The following CSGALNACT1 variants were observed in gnomAD, a reference collection of about 807,000 sequenced individuals.
CSGALNACT1 encodes the protein chondroitin sulfate N-acetylgalactosaminyltransferase 1.
In CSGALNACT1, 52 loss-of-function variants were observed where a neutral mutation model predicts 51.0. The ratio of observed to expected loss-of-function variants is 1.02; its 90% confidence interval spans 0.82 to 1.29. CSGALNACT1 has a LOEUF of 1.29. CSGALNACT1 is among the 50% of genes most tolerant of loss of function. The pLI, the probability that CSGALNACT1 is intolerant of heterozygous loss-of-function variation, is 0.00. For missense variants in CSGALNACT1, 935 were observed against 679.2 expected (o/e 1.38, Z -4.19); for synonymous variants, 341 against 254.4 (o/e 1.34, Z -3.24).
intron 4 of CSGALNACT1, among the ~76,000 whole-genome samples, chr8:19,503,958 G>A (rs1472136307): frequency 6.6e-6 from 1 of 152,190 alleles, no homozygotes; most frequent in African/African-American, 2.4e-5. Context: ...AACAGCAGCA[G>A]GAGGCTTTTT....
chr8:19,474,979 A>G (rs2069165136), intron 4 of CSGALNACT1, among the ~76,000 whole-genome samples: 1 of 152,168 alleles, frequency 6.6e-6, no homozygotes, highest in Non-Finnish European at 1.5e-5. Flanking sequence ...AAAGGGCTCA[A>G]ATTTGCAGCA....
chr8:19,601,138 T>C (rs569712418), intron 2 of CSGALNACT1, among the ~76,000 whole-genome samples: 1 of 152,280 alleles, frequency 6.6e-6, no homozygotes, highest in South Asian at 2.1e-4. Context: ...GCATAGAAAC[T>C]CAAAATTACT....
At chr8:19,435,021 C>T (rs774963386) in intron 6 of CSGALNACT1, among the ~76,000 whole-genome samples, 1 of 152,032 alleles carries the variant, frequency 6.6e-6, no homozygotes, top group Non-Finnish European at 1.5e-5. Context: ...CGACAACAAC[C>T]CTCTCCTAGC....
intron 3 of CSGALNACT1, among the ~76,000 whole-genome samples, chr8:19,568,670 A>C (rs1018856865): frequency 6.6e-6 from 1 of 152,174 alleles, no homozygotes; most frequent in African/African-American, 2.4e-5. Flanking sequence ...AAAACTTCAA[A>C]AAATATGAGA....
At chr8:19,597,212 A>G (rs545221205) in intron 2 of CSGALNACT1, among the ~76,000 whole-genome samples, 2 of 149,708 alleles carry the variant, frequency 1.3e-5, no homozygotes, top group South Asian at 2.2e-4. Flanking sequence ...CATTGTATGG[A>G]TATACATACT....
chr8:19,743,214 A>G (rs576805339), intron 1 of CSGALNACT1, among the ~76,000 whole-genome samples: 1 of 152,314 alleles, frequency 6.6e-6, no homozygotes, highest in Admixed American at 6.5e-5. Flanking sequence ...CTGAGAGGGA[A>G]AAATCTATTA....
intron 1 of CSGALNACT1, among the ~76,000 whole-genome samples, chr8:19,752,291 C>T (rs1423936936): frequency 1.3e-5 from 2 of 151,556 alleles, no homozygotes; most frequent in Non-Finnish European, 2.9e-5. Context: ...CAGACAAGAG[C>T]GTCACACAAA....
At chr8:19,463,169 C>G (rs574533050) in intron 4 of CSGALNACT1, among the ~76,000 whole-genome samples, 15 of 152,132 alleles carry the variant, frequency 9.9e-5, no homozygotes, top group African/African-American at 3.4e-4. Flanking sequence ...TTTTTCATGG[C>G]TGTGTAGTAC....
intron 1 of CSGALNACT1, among the ~76,000 whole-genome samples, chr8:19,671,420 T>C (rs764639661): frequency 2.0e-5 from 3 of 152,170 alleles, no homozygotes; most frequent in Non-Finnish European, 2.9e-5. Context: ...ATTTTTATTA[T>C]GGAAAATATG....
At chr8:19,690,981 C>T (rs887881944) in intron 1 of CSGALNACT1, among the ~76,000 whole-genome samples, 1 of 152,130 alleles carries the variant, frequency 6.6e-6, no homozygotes, top group African/African-American at 2.4e-5. Context: ...AATGCCAGCA[C>T]TTAGGAAGGC....
At chr8:19,502,658 C>T (rs190135094) in intron 4 of CSGALNACT1, among the ~76,000 whole-genome samples, 5 of 152,280 alleles carry the variant, frequency 3.3e-5, no homozygotes, top group Admixed American at 2.6e-4. Context: ...AAACCCAAAA[C>T]CTCAAATCAC....
intron 1 of CSGALNACT1, among the ~76,000 whole-genome samples, chr8:19,725,668 A>AGGCTT (rs2063359933): frequency 6.6e-6 from 1 of 151,870 alleles, no homozygotes; most frequent in African/African-American, 2.4e-5. Flanking sequence ...CGTGATCCAC[A>AGGCTT]TGACTCAGCC....
chr8:19,428,717 C>T (rs1270270294), intron 6 of CSGALNACT1, among the ~76,000 whole-genome samples: 1 of 152,076 alleles, frequency 6.6e-6, no homozygotes, highest in African/African-American at 2.4e-5. Context: ...TATACAGCAG[C>T]ACGTTCAATT....
chr8:19,634,448 G>A (rs1451092256), intron 1 of CSGALNACT1, among the ~76,000 whole-genome samples: 1 of 146,836 alleles, frequency 6.8e-6, no homozygotes, highest in Non-Finnish European at 1.5e-5. Flanking sequence ...GATCATTTGA[G>A]CCAAAGAGTT....
intron 8 of CSGALNACT1, among the ~76,000 whole-genome samples, chr8:19,418,341 G>A (rs4633071): frequency 0.47 from 70,954 of 151,954 alleles, 18,031 homozygotes; most frequent in East Asian, 0.83. Context: ...GTAGGATTTT[G>A]CAAAAATCAA....
At chr8:19,504,648 T>C (rs967661562) in intron 4 of CSGALNACT1, among the ~76,000 whole-genome samples, 7 of 152,186 alleles carry the variant, frequency 4.6e-5, no homozygotes, top group African/African-American at 1.7e-4. Context: ...AATGTAGAGG[T>C]TAAGGACATG....
chr8:19,610,857 G>C (rs2052151715), intron 1 of CSGALNACT1, among the ~76,000 whole-genome samples: 1 of 152,250 alleles, frequency 6.6e-6, no homozygotes, highest in Non-Finnish European at 1.5e-5. Context: ...TAACCGAGCA[G>C]GTTAACACAA....
intron 3 of CSGALNACT1, among the ~76,000 whole-genome samples, chr8:19,538,202 G>T (rs570818687): frequency 6.6e-6 from 1 of 152,186 alleles, no homozygotes; most frequent in South Asian, 2.1e-4. Flanking sequence ...GGTGGCATGT[G>T]CCTGTAGTCC....
At chr8:19,642,700 C>T (rs915541954) in intron 1 of CSGALNACT1, among the ~76,000 whole-genome samples, 1 of 151,442 alleles carries the variant, frequency 6.6e-6, no homozygotes, top group Non-Finnish European at 1.5e-5. Flanking sequence ...GTGAGAGGAT[C>T]GTTTGGGCCC....
Sources: gnomAD v4.1 joint callset for allele counts (sites outside exome capture counted in the v4.1 genomes callset) on GRCh38, gnomAD v4.1.1 for gene constraint, MANE v1.5 for transcripts, NCBI Gene and HGNC (gene_info 2026-07-23, HGNC 2026-07-21) for gene names.